The following AGBL2 variants were observed in gnomAD, a reference collection of about 807,000 sequenced individuals.
AGBL2 encodes the protein AGBL carboxypeptidase 2, also known as cytosolic carboxypeptidase 2.
In AGBL2, 87 loss-of-function variants were observed where a neutral mutation model predicts 103.0. That is an observed-to-expected ratio of 0.84 (90% CI 0.71 to 1.01). The LOEUF is 1.01. Among genes scored for constraint, AGBL2 ranks in the 50% least tolerant of loss-of-function variants. AGBL2 has a pLI of 0.00. For missense variants in AGBL2, 904 were observed against 1,023.5 expected (o/e 0.88, Z 1.59); for synonymous variants, 335 against 356.7 (o/e 0.94, Z 0.69).
intron 11 of AGBL2, among the ~76,000 whole-genome samples, chr11:47,685,263 A>G (rs1001739591): frequency 1.3e-5 from 2 of 152,028 alleles, no homozygotes; most frequent in African/African-American, 4.8e-5. Context: ...TGGTTGATGG[A>G]CACAGCAATT....
chr11:47,708,019 G>A (rs1270875531), intron 4 of AGBL2, among the ~76,000 whole-genome samples: 3 of 151,760 alleles, frequency 2.0e-5, no homozygotes, highest in Non-Finnish European at 4.4e-5. Context: ...CCTGCCTCAG[G>A]CTCCCAAGTG....
intron 11 of AGBL2, among the ~76,000 whole-genome samples, chr11:47,683,206 A>C (rs1389092299): frequency 6.6e-6 from 1 of 152,006 alleles, no homozygotes; most frequent in African/African-American, 2.4e-5. Context: ...CCCCGACTCT[A>C]CTAAAAATAC....
chr11:47,679,061 A>G (rs2097390487), intron 13 of AGBL2, among the ~76,000 whole-genome samples: 2 of 77,626 alleles, frequency 2.6e-5, no homozygotes, highest in Non-Finnish European at 6.3e-5. Flanking sequence ...CCTGTCTCAA[A>G]AAAAAAAAAA....
rs1366988068 is a variant in AGBL2, at chr11:47,715,199, AC to A, written c.-126del. 6.4e-6 allele frequency: 1 copy of A among 156,488 alleles called. No homozygotes were observed. The highest frequency in any genetic ancestry group is 1.4e-5 in the Non-Finnish European group (1 of 70,898). 9.7% of individuals were successfully genotyped at this position (156,488 alleles called of 1,614,324 possible). ...CCAGGAGGGCAGAGCGATGGATGCG[AC>A]CGCCTTCGCGCCCCGGCCCGTCCCA... On this transcript the variant is annotated 5_prime_UTR_variant, in exon 1 of 19. Coordinates refer to ENST00000525123, the MANE Select transcript of AGBL2 (RefSeq NM_024783.4).
chr11:47,659,851 T>C lies in AGBL2; in HGVS notation c.*322A>G, dbSNP rs1035335357. 7 of 205,256 alleles carry C rather than the reference T, an allele frequency of 3.4e-5. No individual in the cohort carries two copies. Among genetic ancestry groups the C allele is most frequent in the Non-Finnish European group, 5.8e-5 (6 of 103,916 alleles). 12.7% of individuals were successfully genotyped at this position (205,256 alleles called of 1,614,324 possible). On this transcript the variant is annotated 3_prime_UTR_variant, in exon 19 of 19. Coordinates refer to ENST00000525123, the MANE Select transcript of AGBL2 (RefSeq NM_024783.4). The stretch of plus-strand genomic sequence containing the variant: ...TTTAAAAATTGATTTGCACATAATT[T>C]TAGAGAGAATATCTATTGGTTAAAA...
chr11:47,700,762 G>A (rs924433937), intron 7 of AGBL2, among the ~76,000 whole-genome samples: 2 of 151,916 alleles, frequency 1.3e-5, no homozygotes, highest in Non-Finnish European at 2.9e-5. Flanking sequence ...AAGTGATGAG[G>A]CTTTCACAAT....
rs2097407244 is a variant in AGBL2, at chr11:47,682,974, A to G, written c.1789-879T>C. Among the ~76,000 whole-genome samples, 4 of 152,204 alleles carry G rather than the reference A, an allele frequency of 2.6e-5. No individual in the cohort carries two copies. The South Asian group carries it at 8.3e-4, about 32-fold the overall frequency. On this transcript the variant is annotated intron_variant, in intron 11 of 18. Transcript: ENST00000525123. ...CCTGAAAGAAAGAAAAGAAGATAAGAGAAGGAAAAGAAGGAAAGAAAAGAA... is the reference window on the plus strand; with the variant it reads ...CCTGAAAGAAAGAAAAGAAGATAAGGGAAGGAAAAGAAGGAAAGAAAAGAA...
rs1565026654 is a variant in AGBL2 at position 47,678,338 on chromosome 11, A to ATTATTTTTTTTTTTTTTTTTTTTTTTT, written c.2017-938_2017-937insAAAAAAAAAAAAAAAAAAAAAAAATAA. Among the ~76,000 whole-genome samples the ATTATTTTTTTTTTTTTTTTTTTTTTTT allele has an allele frequency of 3.7e-4, 35 of 95,274 alleles. 2 individuals are homozygous for ATTATTTTTTTTTTTTTTTTTTTTTTTT. The highest frequency in any genetic ancestry group is 4.8e-4 in the Non-Finnish European group (22 of 45,970). 62.5% of individuals were successfully genotyped at this position (95,274 alleles called of 152,430 possible). On this transcript the variant is annotated intron_variant, in intron 13 of 18. Coordinates refer to ENST00000525123, the MANE Select transcript of AGBL2 (RefSeq NM_024783.4). ...TTATTTTATTTTATTTTATTTTATTATTTTATTTTTTTTGAGACGGAGTCT... is the reference window on the plus strand; with the variant it reads ...TTATTTTATTTTATTTTATTTTATTATTATTTTTTTTTTTTTTTTTTTTTTTTTTTTATTTTTTTTGAGACGGAGTCT...
intron 3 of AGBL2, 53 bp from the exon 4 acceptor site, chr11:47,710,564 A>G (rs2097533898): frequency 1.2e-6 from 2 of 1,606,152 alleles, no homozygotes; most frequent in Non-Finnish European, 1.7e-6. Flanking sequence ...CATCACTTCT[A>G]ACATCTAGGT....
chr11:47,669,824 G>A (rs2097351980), intron 14 of AGBL2, among the ~76,000 whole-genome samples: 1 of 152,132 alleles, frequency 6.6e-6, no homozygotes, highest in Non-Finnish European at 1.5e-5. Context: ...TGTTAGCCAA[G>A]ATGGTCTCGA....
intron 17 of AGBL2, among the ~76,000 whole-genome samples, chr11:47,665,364 A>T (rs999710711): frequency 9.2e-5 from 14 of 151,686 alleles, no homozygotes; most frequent in Admixed American, 1.3e-4. Context: ...GCTAATTTTT[A>T]AAAAAAATTT....
intron 8 of AGBL2, among the ~76,000 whole-genome samples, chr11:47,698,866 T>C (rs1447397035): frequency 6.6e-6 from 1 of 151,926 alleles, no homozygotes; most frequent in Admixed American, 6.6e-5. Flanking sequence ...TTAATCCTTT[T>C]ACATGTATAA....
rs750890978 is a variant in AGBL2, at chr11:47,692,183, G to A, written c.768C>T (p.Val256=). 6.2e-7 allele frequency: 1 copy of A among 1,613,760 alleles called. No individual in the cohort carries two copies. The highest frequency in any genetic ancestry group is 8.5e-7 in the Non-Finnish European group (1 of 1,179,896). The change falls in exon 9 of 19, where the codon GTC becomes GTT. Residue 256 remains valine (V), a synonymous_variant. Coordinates refer to ENST00000525123, the MANE Select transcript of AGBL2 (RefSeq NM_024783.4). The part of the protein sequence containing the change: ...GKRGIVKELA[V]TLQGPEDNTL... ...TATTATCTTCTGGTCCTTGCAACGT[G>A]ACAGCAAGTTCCTTGACAATTCCTC...
intron 7 of AGBL2, among the ~76,000 whole-genome samples, chr11:47,704,256 C>T (rs2097509167): frequency 6.6e-6 from 1 of 151,820 alleles, no homozygotes; most frequent in South Asian, 2.1e-4. Flanking sequence ...CCAAGGTGGG[C>T]GGATCACGAG....
At chr11:47,704,086 A>C (rs1331691176) in intron 7 of AGBL2, among the ~76,000 whole-genome samples, 1 of 151,922 alleles carries the variant, frequency 6.6e-6, no homozygotes, top group Non-Finnish European at 1.5e-5. Flanking sequence ...TGAGTGACAG[A>C]GTGAGACTCT....
chr11:47,709,673 C>T (rs745457043), intron 4 of AGBL2, among the ~76,000 whole-genome samples: 2 of 151,854 alleles, frequency 1.3e-5, no homozygotes, highest in Admixed American at 6.6e-5. Flanking sequence ...CCGCAACTTC[C>T]GCCTCCCAGG....
chr11:47,676,184 T>C (rs2097374158), intron 14 of AGBL2, among the ~76,000 whole-genome samples: 1 of 152,074 alleles, frequency 6.6e-6, no homozygotes, highest in Non-Finnish European at 1.5e-5. Context: ...CTCTAATTTT[T>C]TCCACTCCTT....
intron 7 of AGBL2, among the ~76,000 whole-genome samples, 196 bp downstream of exon 7, chr11:47,704,347 G>A (rs2097509508): frequency 6.6e-6 from 1 of 151,714 alleles, no homozygotes; most frequent in African/African-American, 2.4e-5. Flanking sequence ...GGGCGTGGTG[G>A]TGTGCGCCTG....
At chr11:47,683,409 T>G (rs957246273) in intron 11 of AGBL2, among the ~76,000 whole-genome samples, 2 of 152,048 alleles carry the variant, frequency 1.3e-5, no homozygotes, top group Non-Finnish European at 2.9e-5. Context: ...AGCTTCCTCC[T>G]TTTCTTTTTT....
Sources: gnomAD v4.1 joint callset for allele counts (sites outside exome capture counted in the v4.1 genomes callset) on GRCh38, gnomAD v4.1.1 for gene constraint, MANE v1.5 for transcripts, NCBI Gene and HGNC (gene_info 2026-07-23, HGNC 2026-07-21) for gene names.